The following CACNA1I variants were observed in gnomAD, a reference collection of about 807,000 sequenced individuals.
The protein encoded by CACNA1I is calcium voltage-gated channel subunit alpha1 I, also known as voltage-dependent T-type calcium channel subunit alpha-1I.
Under a neutral mutation model 201.6 loss-of-function variants are expected in CACNA1I, and 74 were observed. The observed-to-expected ratio is 0.37, with a 90% CI of 0.30 to 0.45. CACNA1I has a LOEUF of 0.45. Ranked by LOEUF, CACNA1I falls within the 20% of genes least tolerant of loss-of-function variation. CACNA1I has a pLI of 1.00. For missense variants in CACNA1I, 2,346 were observed against 3,138.1 expected, an observed-to-expected ratio of 0.75 and a Z score of 6.03; for synonymous variants, 1,431 against 1,345.2, an observed-to-expected ratio of 1.06 and a Z score of -1.40.
chr22:39,679,705 C>G lies in CACNA1I; in HGVS notation c.5395-17C>G, dbSNP rs781661604. 6 of 1,604,108 alleles carry G rather than the reference C, an allele frequency of 3.7e-6. No homozygotes were observed. The highest frequency in any genetic ancestry group is 5.1e-6 in the Non-Finnish European group (6 of 1,175,000). Reference sequence around the variant, plus strand: ...CTGATAATCCCGCCTGTCCCCACCCCGTCCCCGTCCGCCTAGGAGAACCTG... The same window carrying G: ...CTGATAATCCCGCCTGTCCCCACCCGGTCCCCGTCCGCCTAGGAGAACCTG... On this transcript the variant is annotated splice_polypyrimidine_tract_variant and intron_variant, in intron 32 of 36. Transcript: ENST00000402142.
intron 2 of CACNA1I, 138 bp downstream of exon 2, chr22:39,598,400 C>A (rs890414858): frequency 1.6e-6 from 1 of 622,864 alleles, no homozygotes; most frequent in Non-Finnish European, 2.9e-6. Context: ...CCGTGCCCTT[C>A]CCCATCCTGC....
chr22:39,658,816 T>C, intron 11 of CACNA1I, 115 bp from the exon 12 acceptor site: 1 of 888,856 alleles, frequency 1.1e-6, no homozygotes, highest in Non-Finnish European at 1.7e-6. Context: ...GTCAGATGGA[T>C]GGATGAATGG....
Position 39,680,999 on chromosome 22 carries a change from G to T in CACNA1I, c.5611G>T (p.Asp1871Tyr). 6.2e-7 allele frequency: 1 copy of T among 1,611,746 alleles called. No homozygotes were observed. The highest frequency in any genetic ancestry group is 1.1e-5 in the South Asian group (1 of 90,812). ...DRSSSILLGDDLSLEDPTACP... is the reference protein window; with the variant it reads ...DRSSSILLGDYLSLEDPTACP... ...GTCCTCGTCCATCCTGCTGGGTGACGACCTGAGTCTCGAGGACCCCACAGC... is the reference window on the plus strand; with the variant it reads ...GTCCTCGTCCATCCTGCTGGGTGACTACCTGAGTCTCGAGGACCCCACAGC... The change falls in exon 34 of 37, where the codon GAC (aspartate) becomes TAC (tyrosine). Residue 1871 changes from aspartate (D) to tyrosine (Y), a missense_variant. Coordinates refer to ENST00000402142, the MANE Select transcript of CACNA1I (RefSeq NM_021096.4).
chr22:39,665,000 A>G (rs557318179), intron 21 of CACNA1I, 77 bp downstream of exon 21: 178 of 1,359,798 alleles, frequency 1.3e-4, no homozygotes, highest in Middle Eastern at 1.2e-3. Context: ...TTGGGCCCTC[A>G]CTCCGCCCTC....
chr22:39,665,481 C>G lies in CACNA1I; in HGVS notation c.3852-17C>G, dbSNP rs1443897007. ...TGGCCAAGGGATTATGTGTGCCTGGCCTCTCCCTGCCGTCAGTGTCATCAG... is the reference window on the plus strand; with the variant it reads ...TGGCCAAGGGATTATGTGTGCCTGGGCTCTCCCTGCCGTCAGTGTCATCAG... On this transcript the variant is annotated splice_polypyrimidine_tract_variant and intron_variant, in intron 21 of 36. Transcript: ENST00000402142. This position sits in a 1 kb window ranked among gnomAD's most constrained non-coding sequence, Gnocchi z 5.5. 1.9e-6 allele frequency: 3 copies of G among 1,612,842 alleles called. No individual in the cohort carries two copies. The highest frequency in any genetic ancestry group is 2.5e-6 in the Non-Finnish European group (3 of 1,179,522).
At chr22:39,607,943 C>A (rs2146379088) in intron 3 of CACNA1I, among the ~76,000 whole-genome samples, 1 of 149,580 alleles carries the variant, frequency 6.7e-6, no homozygotes, top group East Asian at 1.9e-4. Flanking sequence ...CATGGTGAAA[C>A]CCTGTCTCTA....
chr22:39,659,619 C>G lies in CACNA1I; in HGVS notation c.2448+69C>G. The G allele has an allele frequency of 1.2e-6, 2 of 1,600,542 alleles. No individual in the cohort carries two copies. Among genetic ancestry groups the G allele is most frequent in the Non-Finnish European group, 1.7e-6 (2 of 1,168,272 alleles). ...GACAGTAGGCCTGGGAGGGGCGGGG[C>G]TGACAACTCCCATGCCTCCTTGTAG... is the stretch of plus-strand genomic sequence containing the variant. On this transcript the variant is annotated intron_variant, in intron 13 of 36. Transcript: ENST00000402142. This position sits in a 1 kb window ranked among gnomAD's most constrained non-coding sequence, Gnocchi z 4.3.
intron 3 of CACNA1I, among the ~76,000 whole-genome samples, chr22:39,613,497 G>C (rs976650440): frequency 3.9e-5 from 6 of 152,232 alleles, no homozygotes; most frequent in Non-Finnish European, 1.5e-5. Context: ...TTTCTTGGCT[G>C]TTCCTTGTGT....
chr22:39,651,154 C>T (rs931486412), intron 10 of CACNA1I, among the ~76,000 whole-genome samples: 2 of 152,198 alleles, frequency 1.3e-5, no homozygotes, highest in African/African-American at 4.8e-5. Flanking sequence ...GCGGGGAAGT[C>T]ACTGGCCCGA....
Position 39,665,417 on chromosome 22 carries a change from C to T in CACNA1I, c.3852-81C>T, listed in dbSNP as rs1935155678. On this transcript the variant is annotated intron_variant, in intron 21 of 36. Transcript: ENST00000402142. The surrounding 1 kb of genome is among the most constrained non-coding windows in gnomAD (Gnocchi z 5.5). ...GGACTCATGCCCTGGGATACTCAGCCCTGGTGACTCTGGGCTGAGTAGGGG... is the reference window on the plus strand; with the variant it reads ...GGACTCATGCCCTGGGATACTCAGCTCTGGTGACTCTGGGCTGAGTAGGGG... The T allele has an allele frequency of 6.4e-7, 1 of 1,553,800 alleles. No homozygotes were observed. Among genetic ancestry groups the T allele is most frequent in the Non-Finnish European group, 8.8e-7 (1 of 1,141,250 alleles).
chr22:39,608,418 T>C (rs556529453), intron 3 of CACNA1I, among the ~76,000 whole-genome samples: 1 of 151,334 alleles, frequency 6.6e-6, no homozygotes, highest in African/African-American at 2.4e-5. Flanking sequence ...CTGGGCAACA[T>C]AGCGAGAGCC....
rs554323533 is a variant in CACNA1I at position 39,572,433 on chromosome 22, G to A, written c.236+1445G>A. Among the ~76,000 whole-genome samples the A allele has an allele frequency of 2.0e-4, 30 of 152,260 alleles. No homozygotes were observed. The South Asian group carries it at 6.0e-3, about 31-fold the overall frequency. ...TGCCAGATGCAGGCTGGGATGTTGA[G>A]ACTGGCTGCAGGACTGCCAGGCTTC... On this transcript the variant is annotated intron_variant, in intron 1 of 36. Transcript: ENST00000402142.
intron 1 of CACNA1I, among the ~76,000 whole-genome samples, chr22:39,593,152 C>T (rs943493262): frequency 7.2e-5 from 11 of 152,164 alleles, no homozygotes; most frequent in African/African-American, 1.4e-4. Context: ...GTGCAGTGGG[C>T]GAGTTAGATG....
At chr22:39,618,774 A>G (rs1933640248) in intron 3 of CACNA1I, among the ~76,000 whole-genome samples, 1 of 152,020 alleles carries the variant, frequency 6.6e-6, no homozygotes, top group South Asian at 2.1e-4. Context: ...CCCATCTCCC[A>G]GTCGCCCTCA....
chr22:39,662,178 C>G lies in CACNA1I; in HGVS notation c.3115C>G (p.His1039Asp), dbSNP rs1038473056. The stretch of plus-strand genomic sequence containing the variant: ...ACCCCTGCACACCCCACACGCCCAC[C>G]ACATTCATCACGGGCCCCATCTGGC... Reference protein sequence around the residue: ...AAPLHTPHAHHIHHGPHLAHR... With the variant: ...AAPLHTPHAHDIHHGPHLAHR... Residue 1039 changes from histidine to aspartate, a missense_variant, in exon 17 of 37, where the codon CAC becomes GAC. By Grantham distance (81) the His-to-Asp change is moderately conservative. Transcript: ENST00000402142. 3.9e-6 allele frequency: 6 copies of G among 1,531,950 alleles called. No individual in the cohort carries two copies. The highest frequency in any genetic ancestry group is 3.5e-6 in the Non-Finnish European group (4 of 1,142,242). The allele number at this position is 1,531,950 out of a possible 1,614,324, so 94.9% of individuals were successfully genotyped here.
At chr22:39,622,325 G>A (rs1042237178) in intron 4 of CACNA1I, among the ~76,000 whole-genome samples, 1 of 149,996 alleles carries the variant, frequency 6.7e-6, no homozygotes, top group Admixed American at 6.6e-5. Flanking sequence ...GCCTCCGGGA[G>A]AAGGGGATGT....
chr22:39,597,639 C>T (rs2145824654), intron 1 of CACNA1I, among the ~76,000 whole-genome samples: 3 of 152,368 alleles, frequency 2.0e-5, no homozygotes, highest in Middle Eastern at 6.8e-3. Context: ...TGAGCCCTAA[C>T]CCTGGCAGTG....
intron 1 of CACNA1I, among the ~76,000 whole-genome samples, chr22:39,580,784 G>A (rs904083613): frequency 6.6e-6 from 1 of 152,204 alleles, no homozygotes; most frequent in African/African-American, 2.4e-5. Flanking sequence ...AAAGCAGACT[G>A]GAGGATGCTT....
In CACNA1I at chr22:39,573,448, G is replaced by A. The variant is rs553687570; in HGVS notation, c.236+2460G>A. Reference sequence around the variant, plus strand: ...GGCTGGGGTGCTGCCCACGTGTCACGGAGAGGCCCCTAGATGGGGGTGGTC... The same window carrying A: ...GGCTGGGGTGCTGCCCACGTGTCACAGAGAGGCCCCTAGATGGGGGTGGTC... On this transcript the variant is annotated intron_variant, in intron 1 of 36. Coordinates refer to ENST00000402142, the MANE Select transcript of CACNA1I (RefSeq NM_021096.4). Among the ~76,000 whole-genome samples, 7 of 152,166 alleles carry A rather than the reference G, an allele frequency of 4.6e-5. No homozygotes were observed. The South Asian group carries it at 1.2e-3, about 27-fold the overall frequency.
Sources: gnomAD v4.1 joint callset for allele counts (sites outside exome capture counted in the v4.1 genomes callset) on GRCh38, gnomAD v4.1.1 for gene constraint, Gnocchi (gnomAD v3.1) non-coding constraint, MANE v1.5 for transcripts, NCBI Gene and HGNC (gene_info 2026-07-23, HGNC 2026-07-21) for gene names.